The following ZDHHC5 variants were observed in gnomAD, a reference collection of about 807,000 sequenced individuals.
ZDHHC5 encodes the protein zDHHC palmitoyltransferase 5.
In ZDHHC5, 22 loss-of-function variants were observed where a neutral mutation model predicts 70.0. That is an observed-to-expected ratio of 0.31 (90% CI 0.22 to 0.45). The LOEUF is 0.45. Among genes scored for constraint, ZDHHC5 ranks in the 20% least tolerant of loss-of-function variants. ZDHHC5 has a pLI of 1.00. For synonymous variants in ZDHHC5, 313 were observed against 347.8 expected, an observed-to-expected ratio of 0.90 and a Z score of 1.11; for missense variants, 746 against 926.9, an observed-to-expected ratio of 0.80 and a Z score of 2.53.
intron 8 of ZDHHC5, among the ~76,000 whole-genome samples, chr11:57,694,617 C>T: frequency 6.6e-6 from 1 of 152,156 alleles, no homozygotes; most frequent in Non-Finnish European, 1.5e-5. Context: ...CCCCCTCAGC[C>T]TCCCAAAATG....
chr11:57,670,956 G>A (rs560204541), intron 1 of ZDHHC5, among the ~76,000 whole-genome samples: 48 of 151,936 alleles, frequency 3.2e-4, no homozygotes, highest in Admixed American at 7.9e-4. Context: ...GACTACAGGC[G>A]CCCGCCCGGC....
intron 11 of ZDHHC5, 55 bp from the exon 12 acceptor site, chr11:57,699,805 CTCCCTT>C (rs2135408456): frequency 1.3e-6 from 2 of 1,598,570 alleles, no homozygotes; most frequent in Non-Finnish European, 1.7e-6. Context: ...TTGAAACTGT[CTCCCTT>C]TCCAATGTTT....
chr11:57,699,502 A>G, intron 11 of ZDHHC5, 84 bp downstream of exon 11: 1 of 1,503,244 alleles, frequency 6.7e-7, no homozygotes, highest in Non-Finnish European at 8.8e-7. Flanking sequence ...TCTGTTGTAC[A>G]TCCTAATGTA....
At chr11:57,691,032 AATAGAG>A (rs1475915690) in intron 6 of ZDHHC5, among the ~76,000 whole-genome samples, 2 of 152,064 alleles carry the variant, frequency 1.3e-5, no homozygotes, top group African/African-American at 4.8e-5. Flanking sequence ...ATACTAAGAC[AATAGAG>A]ATAAAGGCTG....
intron 2 of ZDHHC5, among the ~76,000 whole-genome samples, chr11:57,677,849 C>A (rs1318388202): frequency 6.9e-6 from 1 of 144,246 alleles, no homozygotes; most frequent in Admixed American, 7.0e-5. Context: ...GTGGTTGTGC[C>A]TTTTCCTTCT....
At position 57,695,920 on chromosome 11, in the gene ZDHHC5, T is replaced by G; in HGVS notation, c.886T>G (p.Ser296Ala). The part of the protein sequence containing the change: ...GIQGELRRTK[S>A]KGSLEITESQ... ...ATTTTCCCTCCCTTCATCAATCCAG[T>G]CTAAGGGAAGCCTGGAGATAACAGA... Residue 296 changes from serine (S) to alanine (A), a missense_variant and splice_region_variant, in exon 9 of 12, where the codon TCT becomes GCT. Around this residue, in one of 6 missense-constraint regions of ZDHHC5, gnomAD observed 179 missense variants for 178.4 expected, o/e 1.00. Transcript: ENST00000287169. 1 of 1,613,410 alleles carries G rather than the reference T, an allele frequency of 6.2e-7. No individual in the cohort carries two copies. Among genetic ancestry groups the G allele is most frequent in the Non-Finnish European group, 8.5e-7 (1 of 1,179,796 alleles).
At chr11:57,687,891 C>T (rs1946230505) in intron 3 of ZDHHC5, among the ~76,000 whole-genome samples, 1 of 150,244 alleles carries the variant, frequency 6.7e-6, no homozygotes, top group Non-Finnish European at 1.5e-5. Context: ...TTGCCTTAGC[C>T]TCCTGAGTAG....
rs368402472 is a variant in ZDHHC5 at position 57,690,454 on chromosome 11, C to T, written c.660+17C>T. 2.5e-5 allele frequency: 41 copies of T among 1,613,202 alleles called. No individual in the cohort carries two copies. Among genetic ancestry groups the T allele is most frequent in the South Asian group, 4.4e-5 (4 of 91,050 alleles). On this transcript the variant is annotated intron_variant, in intron 6 of 11. Transcript: ENST00000287169. ...AATGAACAGGTATGGAGAAAAGTGA[C>T]GAGAGACCCCTGAAGAGCAGGTCAT...
chr11:57,689,759 T>C (rs918652883), intron 4 of ZDHHC5, among the ~76,000 whole-genome samples: 7 of 151,622 alleles, frequency 4.6e-5, no homozygotes, highest in Non-Finnish European at 7.4e-5. Context: ...GTCATCATAG[T>C]TCACTACAGC....
At chr11:57,696,697 A>T in intron 9 of ZDHHC5, 64 bp from the exon 10 acceptor site, 2 of 1,429,358 alleles carry the variant, frequency 1.4e-6, no homozygotes, top group Non-Finnish European at 2.0e-6. Context: ...GTAGAGTGAG[A>T]CCCTGTCTCT....
At chr11:57,678,071 C>G (rs1307128897) in intron 2 of ZDHHC5, among the ~76,000 whole-genome samples, 1 of 152,208 alleles carries the variant, frequency 6.6e-6, no homozygotes, top group East Asian at 1.9e-4. Context: ...TCAGCCTTCT[C>G]TCATCAACAA....
chr11:57,689,149 G>C (rs903814802), intron 4 of ZDHHC5, among the ~76,000 whole-genome samples: 1 of 152,082 alleles, frequency 6.6e-6, no homozygotes, highest in African/African-American at 2.4e-5. Context: ...ATGCTGTTGT[G>C]TTTCAATTTG....
In ZDHHC5 at chr11:57,673,078, T is replaced by A. The variant is rs1462333180; in HGVS notation, c.-13T>A. The A allele has an allele frequency of 6.2e-7, 1 of 1,613,620 alleles. No homozygotes were observed. The highest frequency in any genetic ancestry group is 8.5e-7 in the Non-Finnish European group (1 of 1,179,746). On this transcript the variant is annotated 5_prime_UTR_variant, in exon 2 of 12. Coordinates refer to ENST00000287169, the MANE Select transcript of ZDHHC5 (RefSeq NM_015457.3). The stretch of plus-strand genomic sequence containing the variant: ...GCTATGCGGCAGGGCAGATTTCCCA[T>A]CAGAGCTCCAACATGCCCGCAGAGT...
chr11:57,672,970 G>C lies in ZDHHC5; in HGVS notation c.-121G>C. 1.2e-6 allele frequency: 1 copy of C among 855,050 alleles called. No homozygotes were observed. Among genetic ancestry groups the C allele is most frequent in the Non-Finnish European group, 1.8e-6 (1 of 545,360 alleles). The allele number at this position is 855,050 out of a possible 1,614,324, so 53.0% of individuals were successfully genotyped here. A position where few individuals can be genotyped will look rare whatever the true frequency, so the allele number is the denominator to read the frequency against. ...AGGGGGAAGGGTGATAAAGTTTTCT[G>C]TTTCCCTGGTTTTCTTTTGTACTCC... On this transcript the variant is annotated 5_prime_UTR_variant, in exon 2 of 12. Transcript: ENST00000287169.
chr11:57,684,467 C>T (rs937320556), intron 3 of ZDHHC5, among the ~76,000 whole-genome samples: 2 of 152,142 alleles, frequency 1.3e-5, no homozygotes, highest in African/African-American at 4.8e-5. Flanking sequence ...TGCCTGTAAT[C>T]CCAGCTACTC....
chr11:57,669,158 TATA>T (rs1402429916), intron 1 of ZDHHC5, among the ~76,000 whole-genome samples: 1 of 152,230 alleles, frequency 6.6e-6, no homozygotes, highest in Non-Finnish European at 1.5e-5. Context: ...TACCTCGGTA[TATA>T]ATGATAACAC....
chr11:57,674,530 A>T (rs2135378804), intron 2 of ZDHHC5, among the ~76,000 whole-genome samples: 1 of 152,268 alleles, frequency 6.6e-6, no homozygotes, highest in South Asian at 2.1e-4. Flanking sequence ...GTGAAGTGTT[A>T]TTCAGAGCAA....
chr11:57,685,554 CAGG>C, intron 3 of ZDHHC5, among the ~76,000 whole-genome samples: 1 of 152,152 alleles, frequency 6.6e-6, no homozygotes, highest in Non-Finnish European at 1.5e-5. Context: ...AAGGCTGAGA[CAGG>C]AGAATTGCTT....
chr11:57,689,677 A>ATT (rs10561191), intron 4 of ZDHHC5, among the ~76,000 whole-genome samples: 174 of 135,528 alleles, frequency 1.3e-3, no homozygotes, highest in African/African-American at 3.9e-3. Context: ...CGCCCGGCCA[A>ATT]TTTTTTTTTT....
Sources: allele counts gnomAD v4.1 joint callset (sites outside exome capture counted in the v4.1 genomes callset), GRCh38; gene constraint gnomAD v4.1.1; regional missense constraint gnomAD v4.1.1; transcripts MANE v1.5; gene names NCBI Gene and HGNC (gene_info 2026-07-23, HGNC 2026-07-21).